FOXO3: variants seen among roughly 807,000 people sequenced by gnomAD.
FOXO3 encodes forkhead box O3.
Under a neutral mutation model 41.9 loss-of-function variants are expected in FOXO3, and 4 were observed. The ratio of observed to expected loss-of-function variants is 0.10; its 90% confidence interval spans 0.05 to 0.22. The LOEUF (loss-of-function observed/expected upper bound fraction) is 0.22, where lower values mean the gene tolerates loss of function less well. Among genes scored for constraint, FOXO3 ranks in the 10% least tolerant of loss-of-function variants. FOXO3 has a pLI of 1.00. For missense variants in FOXO3, 534 were observed against 906.8 expected, an observed-to-expected ratio of 0.59 and a Z score of 5.28; for synonymous variants, 318 against 389.3, an observed-to-expected ratio of 0.82 and a Z score of 2.16.
intron 1 of FOXO3, among the ~76,000 whole-genome samples, chr6:108,574,762 C>G (rs1776215439): frequency 6.6e-6 from 1 of 152,122 alleles, no homozygotes; most frequent in African/African-American, 2.4e-5. Context: ...TAATTGGCCA[C>G]AGGAAGGCAG....
Position 108,648,787 on chromosome 6 carries a change from G to C in FOXO3, c.622-14668G>C, listed in dbSNP as rs61152576. Among the ~76,000 whole-genome samples the C allele has an allele frequency of 7.8e-4, 119 of 151,934 alleles. 1 individual carries two copies. The highest frequency in any genetic ancestry group is 6.0e-3 in the East Asian group (31 of 5,160). ...AGGTAGGAGGTTCGCTTGAGGCCTG[G>C]AGTTTGAGACCAGCCTGGAAAACAT... On this transcript the variant is annotated intron_variant, in intron 1 of 2. Coordinates refer to ENST00000406360, the MANE Select transcript of FOXO3 (RefSeq NM_001455.4).
chr6:108,600,139 T>C (rs1777004155), intron 1 of FOXO3, among the ~76,000 whole-genome samples: 1 of 152,192 alleles, frequency 6.6e-6, no homozygotes, highest in African/African-American at 2.4e-5. Context: ...GGAAAAAGAC[T>C]ACTTTAGTGA....
At chr6:108,638,873 C>A (rs899306543) in intron 1 of FOXO3, among the ~76,000 whole-genome samples, 2 of 152,162 alleles carry the variant, frequency 1.3e-5, no homozygotes, top group African/African-American at 4.8e-5. Flanking sequence ...TTTCTCTCAT[C>A]CTCAAGTTAT....
intron 1 of FOXO3, among the ~76,000 whole-genome samples, chr6:108,632,230 G>A (rs898895568): frequency 1.3e-5 from 2 of 152,184 alleles, no homozygotes; most frequent in Admixed American, 6.5e-5. Flanking sequence ...GATTAGCAAA[G>A]TGTAATCCCA....
At chr6:108,660,135 G>T (rs56924132) in intron 1 of FOXO3, among the ~76,000 whole-genome samples, 14 of 152,048 alleles carry the variant, frequency 9.2e-5, no homozygotes, top group Non-Finnish European at 8.8e-5. Flanking sequence ...CGGGACCTCC[G>T]TGTTTTTTCA....
chr6:108,593,584 G>T (rs889190628), intron 1 of FOXO3, among the ~76,000 whole-genome samples: 1 of 151,596 alleles, frequency 6.6e-6, no homozygotes, highest in Non-Finnish European at 1.5e-5. Context: ...CACCATGTTG[G>T]CCAGGTTGGT....
intron 1 of FOXO3, among the ~76,000 whole-genome samples, chr6:108,562,405 T>G (rs1332582289): frequency 6.6e-6 from 1 of 152,216 alleles, no homozygotes; most frequent in African/African-American, 2.4e-5. Context: ...GCAAACCTTT[T>G]CCTGGACGGC....
At chr6:108,630,675 C>T (rs909448115) in intron 1 of FOXO3, among the ~76,000 whole-genome samples, 5 of 152,098 alleles carry the variant, frequency 3.3e-5, no homozygotes, top group African/African-American at 1.2e-4. Flanking sequence ...CAGTCTACCT[C>T]CTTTCTCTAA....
At position 108,663,815 on chromosome 6, in the gene FOXO3, A is replaced by G. The variant is rs746204320; in HGVS notation, c.982A>G (p.Met328Val). The change falls in exon 2 of 3, where the codon ATG (methionine) becomes GTG (valine). Residue 328 changes from methionine to valine, a missense_variant. This residue lies in a region of FOXO3 where 185 missense variants were observed against 224.9 expected (regional missense o/e 0.82). Coordinates refer to ENST00000406360, the MANE Select transcript of FOXO3 (RefSeq NM_001455.4). ...STVSGRLSPI[M>V]ASTELDEVQD... The stretch of plus-strand genomic sequence containing the variant: ...AGTCAGTGGCCGCCTGTCGCCCATC[A>G]TGGCAAGCACAGAGTTGGATGAAGT... 8 of 1,613,934 alleles carry G rather than the reference A, an allele frequency of 5.0e-6. No individual in the cohort carries two copies. The South Asian group carries it at 5.5e-5, about 11-fold the overall frequency.
intron 1 of FOXO3, among the ~76,000 whole-genome samples, chr6:108,611,254 A>G (rs1314902782): frequency 1.3e-5 from 2 of 152,186 alleles, no homozygotes; most frequent in East Asian, 3.8e-4. Context: ...GGAATATTTT[A>G]TCCATTCACC....
chr6:108,637,962 TTG>T (rs1229643432), intron 1 of FOXO3, among the ~76,000 whole-genome samples: 2 of 152,026 alleles, frequency 1.3e-5, no homozygotes, highest in East Asian at 1.9e-4. Flanking sequence ...GGAAAGAAAA[TTG>T]TGTTTCCAAA....
At chr6:108,634,301 G>C (rs1041454448) in intron 1 of FOXO3, among the ~76,000 whole-genome samples, 1 of 152,148 alleles carries the variant, frequency 6.6e-6, no homozygotes, top group Non-Finnish European at 1.5e-5. Context: ...TGAAGATGGG[G>C]TTTCTATGTG....
intron 1 of FOXO3, among the ~76,000 whole-genome samples, chr6:108,615,922 T>C (rs1777491459): frequency 6.6e-6 from 1 of 152,046 alleles, no homozygotes; most frequent in Admixed American, 6.5e-5. Context: ...TGGGTTTATT[T>C]CTTTTGTATC....
chr6:108,627,789 G>C (rs1336511342), intron 1 of FOXO3, among the ~76,000 whole-genome samples: 1 of 152,070 alleles, frequency 6.6e-6, no homozygotes, highest in Admixed American at 6.6e-5. Context: ...GCCATCCTAG[G>C]CTGCGGGTTG....
Position 108,663,551 on chromosome 6 carries a change from G to C in FOXO3, c.718G>C (p.Gly240Arg), listed in dbSNP as rs759022470. The change falls in exon 2 of 3, where the codon GGG becomes CGG. Residue 240 changes from glycine (G) to arginine (R), a missense_variant. Coordinates refer to ENST00000406360, the MANE Select transcript of FOXO3 (RefSeq NM_001455.4). ...CTCTTGGTGGATCATCAACCCTGAT[G>C]GGGGGAAGAGCGGAAAAGCCCCCCG... ...KSSWWIINPD[G>R]GKSGKAPRRR... The C allele has an allele frequency of 1.9e-6, 3 of 1,613,790 alleles. No individual in the cohort carries two copies. Among genetic ancestry groups the C allele is most frequent in the East Asian group, 2.2e-5 (1 of 44,864 alleles).
chr6:108,645,266 A>C (rs1053415457), intron 1 of FOXO3, among the ~76,000 whole-genome samples: 2 of 152,100 alleles, frequency 1.3e-5, no homozygotes, highest in Non-Finnish European at 2.9e-5. Flanking sequence ...TGTTGATGTT[A>C]TTTTCTGATA....
At chr6:108,627,088 G>C (rs906554866) in intron 1 of FOXO3, among the ~76,000 whole-genome samples, 1 of 152,224 alleles carries the variant, frequency 6.6e-6, no homozygotes, top group African/African-American at 2.4e-5. Context: ...GCAAGATTTG[G>C]CAGCGCAGCT....
At chr6:108,578,622 A>G (rs1184363292) in intron 1 of FOXO3, among the ~76,000 whole-genome samples, 3 of 152,056 alleles carry the variant, frequency 2.0e-5, no homozygotes, top group Admixed American at 2.0e-4. Flanking sequence ...GGTTGGATTC[A>G]TGTTTTTTTT....
intron 2 of FOXO3, among the ~76,000 whole-genome samples, chr6:108,677,041 G>T (rs1398625838): frequency 6.6e-6 from 1 of 152,162 alleles, no homozygotes; most frequent in African/African-American, 2.4e-5. Flanking sequence ...TATTAAATTT[G>T]TCCTCTGCAA....
Sources: gnomAD v4.1 joint callset for allele counts (sites outside exome capture counted in the v4.1 genomes callset) on GRCh38, gnomAD v4.1.1 for gene constraint, gnomAD v4.1.1 regional missense constraint, MANE v1.5 for transcripts, NCBI Gene and HGNC (gene_info 2026-07-23, HGNC 2026-07-21) for gene names.